FGGY: variants seen among roughly 807,000 people sequenced by gnomAD.
FGGY encodes the protein FGGY carbohydrate kinase domain-containing protein.
A neutral mutation model predicts 71.3 loss-of-function variants in FGGY; 72 were observed. The observed-to-expected ratio is 1.01, with a 90% CI of 0.84 to 1.23. The LOEUF (loss-of-function observed/expected upper bound fraction) is 1.23, where lower values mean the gene tolerates loss of function less well. Ranked by LOEUF, FGGY falls within the 50% of genes most tolerant of loss-of-function variation. The pLI is 0.00. For missense variants in FGGY, 668 were observed against 682.3 expected (o/e 0.98, Z 0.23); for synonymous variants, 251 against 250.3 (o/e 1.00, Z -0.02).
At chr1:59,341,959 G>T (rs2153207194) in intron 3 of FGGY, among the ~76,000 whole-genome samples, 1 of 152,234 alleles carries the variant, frequency 6.6e-6, no homozygotes. Flanking sequence ...GAGAGCAATT[G>T]GCACGAGTGG....
chr1:59,705,260 A>G (rs2097748335), intron 14 of FGGY, among the ~76,000 whole-genome samples: 1 of 152,096 alleles, frequency 6.6e-6, no homozygotes, highest in Non-Finnish European at 1.5e-5. Flanking sequence ...AACTTCATAA[A>G]CTTTTATCTG....
At chr1:59,315,607 CT>C (rs1272615280) in intron 1 of FGGY, 1 of 152,186 alleles carries the variant, frequency 6.6e-6, no homozygotes, top group African/African-American at 2.4e-5. Flanking sequence ...AGATAAGGGC[CT>C]GGTTCCACTT....
At chr1:59,464,733 C>G (rs991073754) in intron 6 of FGGY, among the ~76,000 whole-genome samples, 39 of 152,168 alleles carry the variant, frequency 2.6e-4, no homozygotes, top group African/African-American at 8.7e-4. Context: ...TCAGAGAACA[C>G]TATAAACACC....
intron 1 of FGGY, among the ~76,000 whole-genome samples, chr1:59,305,424 G>T (rs1219105004): frequency 1.3e-5 from 2 of 152,104 alleles, no homozygotes; most frequent in Non-Finnish European, 1.5e-5. Flanking sequence ...CATGGTGAAT[G>T]ATCTTCTTAA....
rs76271683 is a variant in FGGY, at chr1:59,487,822, A to G, written c.671-24489A>G. ...ACTCCCACCCCCTCCCCCTTGCCCCAAGGCTCCTCCTCAGCCCAACTAACT... is the reference window on the plus strand; with the variant it reads ...ACTCCCACCCCCTCCCCCTTGCCCCGAGGCTCCTCCTCAGCCCAACTAACT... On this transcript the variant is annotated intron_variant, in intron 6 of 15. Coordinates refer to ENST00000303721, the MANE Select transcript of FGGY (RefSeq NM_018291.5). 6.4e-3 allele frequency among the ~76,000 whole-genome samples: 812 copies of G among 126,642 alleles called. 64 individuals are homozygous for G. The East Asian group carries it at 0.16, about 25-fold the overall frequency. The allele number at this position is 126,642 out of a possible 152,430, so 83.1% of individuals were successfully genotyped here.
chr1:59,531,163 G>A (rs184125628), intron 7 of FGGY, among the ~76,000 whole-genome samples: 3 of 152,322 alleles, frequency 2.0e-5, no homozygotes, highest in Admixed American at 2.0e-4. Context: ...GGAGGATTGA[G>A]TGTAAGTCTC....
chr1:59,457,795 T>G (rs1440796124), intron 6 of FGGY, among the ~76,000 whole-genome samples: 4 of 151,992 alleles, frequency 2.6e-5, no homozygotes, highest in Non-Finnish European at 4.4e-5. Context: ...AGCTAAAAGA[T>G]CAATATTAGA....
At chr1:59,317,919 G>A (rs1022728215) in intron 1 of FGGY, among the ~76,000 whole-genome samples, 7 of 152,212 alleles carry the variant, frequency 4.6e-5, no homozygotes, top group Admixed American at 2.0e-4. Context: ...GCCACCTGGT[G>A]TTGTGGAAGG....
At chr1:59,518,191 T>C (rs995237305) in intron 7 of FGGY, among the ~76,000 whole-genome samples, 10 of 152,330 alleles carry the variant, frequency 6.6e-5, no homozygotes, top group African/African-American at 1.9e-4. Flanking sequence ...GAAGAATTTA[T>C]TGAGCCAGTC....
chr1:59,662,179 G>A (rs1486260200), intron 12 of FGGY, among the ~76,000 whole-genome samples: 1 of 151,144 alleles, frequency 6.6e-6, no homozygotes, highest in African/African-American at 2.4e-5. Context: ...AATTAGCCAG[G>A]CATGGTGGCG....
intron 10 of FGGY, among the ~76,000 whole-genome samples, chr1:59,627,489 T>TATATATATATATACAC (rs1469493501): frequency 1.6e-3 from 144 of 92,680 alleles, no homozygotes; most frequent in Non-Finnish European, 2.3e-3. Flanking sequence ...TATATATATA[T>TATATATATATATACAC]ACACACACAC....
chr1:59,419,293 G>A (rs1227194461), intron 5 of FGGY, among the ~76,000 whole-genome samples: 3 of 151,098 alleles, frequency 2.0e-5, no homozygotes, highest in South Asian at 2.1e-4. Flanking sequence ...GAGGCTAGAG[G>A]TAAAAAAATA....
intron 1 of FGGY, among the ~76,000 whole-genome samples, chr1:59,320,126 C>A (rs1490791697): frequency 6.6e-6 from 1 of 152,196 alleles, no homozygotes; most frequent in African/African-American, 2.4e-5. Flanking sequence ...GCAAATGTTA[C>A]TTCTGCAGCT....
At chr1:59,724,717 T>C (rs2097926654) in intron 14 of FGGY, among the ~76,000 whole-genome samples, 1 of 152,228 alleles carries the variant, frequency 6.6e-6, no homozygotes, top group Non-Finnish European at 1.5e-5. Flanking sequence ...TAATATGCAA[T>C]TTTTAATGGC....
At chr1:59,587,734 G>T (rs577320711) in intron 8 of FGGY, among the ~76,000 whole-genome samples, 1 of 152,184 alleles carries the variant, frequency 6.6e-6, no homozygotes, top group Non-Finnish European at 1.5e-5. Flanking sequence ...GCAGCTGAGG[G>T]TCCTGTCTGT....
chr1:59,687,935 C>T (rs2097558269), intron 14 of FGGY, among the ~76,000 whole-genome samples: 1 of 151,810 alleles, frequency 6.6e-6, no homozygotes, highest in South Asian at 2.1e-4. Context: ...TTCACTTCTC[C>T]TCCTCTCCCT....
intron 7 of FGGY, 32 bp downstream of exon 7, chr1:59,512,471 C>G: frequency 6.2e-7 from 1 of 1,604,046 alleles, no homozygotes; most frequent in South Asian, 1.1e-5. Flanking sequence ...ACAGCCAAAA[C>G]CGTATTCAAA....
At chr1:59,518,674 ACTCT>A (rs1183568368) in intron 7 of FGGY, among the ~76,000 whole-genome samples, 2 of 151,558 alleles carry the variant, frequency 1.3e-5, no homozygotes, top group Non-Finnish European at 2.9e-5. Context: ...GCACCACCCC[ACTCT>A]CTCTCTTGCT....
intron 7 of FGGY, among the ~76,000 whole-genome samples, chr1:59,542,379 T>C (rs1484685174): frequency 2.0e-5 from 3 of 151,612 alleles, no homozygotes. Context: ...AGGGAGATAC[T>C]ATTAATCAGG....
Sources: gnomAD v4.1 joint callset for allele counts (sites outside exome capture counted in the v4.1 genomes callset) on GRCh38, gnomAD v4.1.1 for gene constraint, MANE v1.5 for transcripts, NCBI Gene and HGNC (gene_info 2026-07-23, HGNC 2026-07-21) for gene names.